TMEM114: variants seen among roughly 807,000 people sequenced by gnomAD.
TMEM114 encodes transmembrane protein 114.
A neutral mutation model predicts 6.2 loss-of-function variants in TMEM114; 6 were observed. The ratio of observed to expected loss-of-function variants is 0.97; its 90% CI spans 0.53 to 1.91. The LOEUF is 1.91. Among genes scored for constraint, TMEM114 ranks in the 40% most tolerant of loss-of-function variants. The pLI, the probability that TMEM114 is intolerant of heterozygous loss-of-function variation, is 0.01. For missense variants in TMEM114, 218 were observed against 158.3 expected (o/e 1.38, Z -2.02); for synonymous variants, 104 against 73.0 (o/e 1.42, Z -2.16).
intron 2 of TMEM114, among the ~76,000 whole-genome samples, chr16:8,548,418 T>C (rs1217763433): frequency 2.6e-5 from 4 of 152,228 alleles, no homozygotes; most frequent in Non-Finnish European, 4.4e-5. Flanking sequence ...ACTAGCCATG[T>C]ACAGCATGGC....
chr16:8,536,260 C>T (rs1900356375), downstream of TMEM114, among the ~76,000 whole-genome samples: 1 of 151,970 alleles, frequency 6.6e-6, no homozygotes, highest in Admixed American at 6.6e-5. Context: ...TGAAACACAT[C>T]CTGAATCCCA....
intron 2 of TMEM114, among the ~76,000 whole-genome samples, chr16:8,545,335 C>G (rs550524226): frequency 6.6e-6 from 1 of 152,154 alleles, no homozygotes; most frequent in East Asian, 1.9e-4. Flanking sequence ...ACTCAGGAGG[C>G]TGAGGCAGGA....
At chr16:8,576,027 C>T (rs1332443013) in intron 2 of TMEM114, among the ~76,000 whole-genome samples, 1 of 152,136 alleles carries the variant, frequency 6.6e-6, no homozygotes, top group African/African-American at 2.4e-5. Flanking sequence ...CGGTGTTCTG[C>T]TGGATATAAT....
intron 2 of TMEM114, among the ~76,000 whole-genome samples, chr16:8,572,911 T>C (rs1901783928): frequency 2.0e-5 from 3 of 152,234 alleles, no homozygotes. Flanking sequence ...TAAAAACCCC[T>C]GTGGTCCTTA....
At chr16:8,547,396 C>CT (rs748623573) in intron 2 of TMEM114, among the ~76,000 whole-genome samples, 1,094 of 74,336 alleles carry the variant, frequency 0.015, 11 homozygotes, top group Middle Eastern at 0.056. Context: ...TTCTTTCTTT[C>CT]TTTTTTTTTT....
chr16:8,583,436 A>G (rs1036378636), intron 2 of TMEM114, among the ~76,000 whole-genome samples: 3 of 152,164 alleles, frequency 2.0e-5, no homozygotes, highest in African/African-American at 7.2e-5. Context: ...TTGTGGATGC[A>G]GGTGACTCAT....
At chr16:8,528,097 C>T in the TMEM114 span, among the ~76,000 whole-genome samples, 3 of 152,018 alleles carry the variant, frequency 2.0e-5, no homozygotes, top group East Asian at 1.9e-4. Flanking sequence ...GATGGGATTT[C>T]GCCATGCTGC....
chr16:8,589,793 C>G lies in TMEM114; in HGVS notation c.46G>C (p.Gly16Arg), dbSNP rs1019913200. The G allele has an allele frequency of 1.8e-5, 7 of 398,326 alleles. No individual in the cohort carries two copies. The highest frequency in any genetic ancestry group is 1.1e-4 in the East Asian group (3 of 28,046). The allele number at this position is 398,326 out of a possible 1,614,324, so 24.7% of individuals were successfully genotyped here. A position where few individuals can be genotyped will look rare whatever the true frequency, so the allele number is the denominator to read the frequency against. Residue 16 changes from glycine (G) to arginine (R), a missense_variant, in exon 1 of 4, where the codon GGG (glycine) becomes CGG (arginine). Physicochemically the swap from Gly to Arg is moderately radical, Grantham distance 125 (BLOSUM62 -2). Transcript: ENST00000620492. ...GGLAGAAALT[G>R]ALSFVLLAAA... ...GCCAGGAGCACAAAGCTGAGCGCCC[C>G]GGTCAGCGCAGCCGCGCCGGCCAGC...
chr16:8,533,149 A>G (rs1304932087), downstream of TMEM114, among the ~76,000 whole-genome samples: 2 of 98,974 alleles, frequency 2.0e-5, no homozygotes, highest in Non-Finnish European at 2.3e-5. Flanking sequence ...TAAAGCACAC[A>G]TAAACAAAAG....
chr16:8,526,907 C>T, the TMEM114 span, among the ~76,000 whole-genome samples: 1 of 152,180 alleles, frequency 6.6e-6, no homozygotes, highest in East Asian at 1.9e-4. Flanking sequence ...AAACTTTGAA[C>T]ATGAAAACAT....
intron 2 of TMEM114, among the ~76,000 whole-genome samples, chr16:8,564,147 GAATGAGTTAGTGAATGAGTGAGTA>G (rs1173005117): frequency 3.3e-5 from 5 of 151,080 alleles, no homozygotes; most frequent in South Asian, 2.1e-4. Context: ...ATGAGTGAGT[GAATGAGTTAGTGAATGAGTGAGTA>G]AATGAGTGAG....
the TMEM114 span, among the ~76,000 whole-genome samples, chr16:8,528,538 C>T: frequency 0.12 from 18,634 of 152,228 alleles, 1,402 homozygotes; most frequent in Middle Eastern, 0.22. Context: ...GGGGAGCATG[C>T]TTTCACCAAG....
chr16:8,569,680 C>A lies in TMEM114; in HGVS notation c.*93G>T. On this transcript the variant is annotated 3_prime_UTR_variant, in exon 4 of 4. Coordinates refer to ENST00000620492, the MANE Select transcript of TMEM114 (RefSeq NM_001146336.2). ...GGGGTGCCTGGCCTCCCCGAGTGGC[C>A]TTTGAGGAAGAAGAGGCCGCAGCCG... The A allele has an allele frequency of 6.9e-7, 1 of 1,453,728 alleles. No homozygotes were observed. The allele number at this position is 1,453,728 out of a possible 1,614,324, so 90.1% of individuals were successfully genotyped here.
chr16:8,537,732 C>G (rs1270492852), exon 3 of TMEM114: 1 of 152,138 alleles, frequency 6.6e-6, no homozygotes, highest in Non-Finnish European at 1.5e-5. Context: ...CCAGGAACTT[C>G]TTTCCATGAC....
At chr16:8,560,926 G>T (rs759360781) in intron 2 of TMEM114, among the ~76,000 whole-genome samples, 2 of 152,186 alleles carry the variant, frequency 1.3e-5, no homozygotes, top group Non-Finnish European at 2.9e-5. Context: ...GGCTGGGGAG[G>T]CCTCACAATC....
chr16:8,588,762 A>G (rs1400799900), intron 2 of TMEM114, among the ~76,000 whole-genome samples: 4 of 152,186 alleles, frequency 2.6e-5, no homozygotes, highest in African/African-American at 9.7e-5. Flanking sequence ...GTTCTAGGCA[A>G]TGTGAATACA....
the TMEM114 span, among the ~76,000 whole-genome samples, chr16:8,528,023 C>T: frequency 1.3e-5 from 2 of 152,264 alleles, no homozygotes; most frequent in South Asian, 2.1e-4. Context: ...ATTCTCCCGC[C>T]TCAGCTTCCT....
intron 2 of TMEM114, among the ~76,000 whole-genome samples, chr16:8,545,455 C>T (rs1900636727): frequency 6.6e-6 from 1 of 152,160 alleles, no homozygotes; most frequent in Non-Finnish European, 1.5e-5. Flanking sequence ...ACATCATCAT[C>T]ATCATCATCA....
intron 2 of TMEM114, among the ~76,000 whole-genome samples, chr16:8,583,867 C>G (rs1369644317): frequency 2.6e-5 from 4 of 152,166 alleles, no homozygotes; most frequent in Non-Finnish European, 5.9e-5. Context: ...TGCCTGTGAT[C>G]ATGTGACCAA....
Sources: allele counts gnomAD v4.1 joint callset (sites outside exome capture counted in the v4.1 genomes callset), GRCh38; gene constraint gnomAD v4.1.1; transcripts MANE v1.5; gene names NCBI Gene and HGNC (gene_info 2026-07-23, HGNC 2026-07-21).